Variants in SPATA1 observed in about 807,000 individuals in gnomAD.
The protein encoded by SPATA1 is spermatogenesis associated 1, also known as spermatogenesis-associated protein 1.
A neutral mutation model predicts 59.6 loss-of-function variants in SPATA1; 57 were observed. The observed-to-expected ratio is 0.96, with a 90% CI of 0.77 to 1.19. The LOEUF is 1.19. Among genes scored for constraint, SPATA1 ranks in the 50% most tolerant of loss-of-function variants. SPATA1 has a pLI of 0.00. For synonymous variants in SPATA1, 147 were observed against 163.9 expected (o/e 0.90, Z 0.79); for missense variants, 448 against 480.7 (o/e 0.93, Z 0.64).
rs148043652 is a variant in SPATA1, at chr1:84,543,774, T to C, written c.718-428T>C. The stretch of plus-strand genomic sequence containing the variant: ...ACACAAACACAGAGGAGATAAGATA[T>C]ATTAGAATAAAATGTAAAATTATCT... On this transcript the variant is annotated intron_variant, in intron 8 of 12. Transcript: ENST00000490879. Among the ~76,000 whole-genome samples, 355 of 152,186 alleles carry C rather than the reference T, an allele frequency of 2.3e-3. 1 individual carries two copies. The highest frequency in any genetic ancestry group is 7.9e-3 in the African/African-American group (329 of 41,536).
intron 8 of SPATA1, among the ~76,000 whole-genome samples, chr1:84,537,024 C>T (rs1260723521): frequency 8.6e-5 from 13 of 151,720 alleles, no homozygotes; most frequent in Non-Finnish European, 1.5e-4. Flanking sequence ...GGATTATAGG[C>T]ACCTGCCACC....
At chr1:84,531,681 C>T (rs943717508) in intron 6 of SPATA1, among the ~76,000 whole-genome samples, 1 of 151,062 alleles carries the variant, frequency 6.6e-6, no homozygotes, top group Non-Finnish European at 1.5e-5. Flanking sequence ...TCAAGACATC[C>T]TCCCACCCTA....
At chr1:84,553,365 T>C (rs1240111943) in exon 13 of SPATA1, 1 of 179,124 alleles carries the variant, frequency 5.6e-6, no homozygotes, top group Non-Finnish European at 1.2e-5. Flanking sequence ...GCTAATTTTA[T>C]AATTTTCATT....
chr1:84,566,646 T>TG (rs1368192141), downstream of SPATA1, among the ~76,000 whole-genome samples: 3 of 152,264 alleles, frequency 2.0e-5, no homozygotes, highest in Non-Finnish European at 2.9e-5. Flanking sequence ...CTTTCTTTTT[T>TG]GGGGGGGATG....
At chr1:84,533,013 AAAC>A (rs766003643) in intron 7 of SPATA1, 39 bp downstream of exon 7, 1 of 1,341,782 alleles carries the variant, frequency 7.5e-7, no homozygotes, top group South Asian at 1.4e-5. Context: ...GCCATAATCT[AAAC>A]AATAAGAAAA....
chr1:84,553,134 T>A (rs949314330), exon 13 of SPATA1: 2 of 1,393,000 alleles, frequency 1.4e-6, no homozygotes, highest in African/African-American at 3.0e-5. Context: ...GGTATGTTAA[T>A]TTAAAACTTT....
chr1:84,511,997 T>C (rs1046866923), intron 1 of SPATA1, among the ~76,000 whole-genome samples: 3 of 152,196 alleles, frequency 2.0e-5, no homozygotes, highest in Non-Finnish European at 4.4e-5. Context: ...TCAGGCATTT[T>C]AATCTGTTTA....
intron 1 of SPATA1, among the ~76,000 whole-genome samples, chr1:84,508,921 C>CA (rs1164925465): frequency 1.3e-5 from 2 of 151,264 alleles, no homozygotes; most frequent in African/African-American, 2.4e-5. Context: ...GAAGAGGACA[C>CA]AAAAAAAATG....
intron 1 of SPATA1, among the ~76,000 whole-genome samples, chr1:84,507,821 G>A (rs1356493877): frequency 6.6e-6 from 1 of 151,270 alleles, no homozygotes; most frequent in Non-Finnish European, 1.5e-5. Flanking sequence ...AGACTGTTGA[G>A]GAATAAGCAG....
At chr1:84,550,227 T>G (rs1347765791) in intron 11 of SPATA1, 15 of 341,320 alleles carry the variant, frequency 4.4e-5, no homozygotes, top group Non-Finnish European at 7.5e-5. Flanking sequence ...TAATGGTAAC[T>G]TTAGAGAAAG....
intron 1 of SPATA1, among the ~76,000 whole-genome samples, chr1:84,512,015 C>T (rs190693645): frequency 6.6e-6 from 1 of 152,270 alleles, no homozygotes; most frequent in Admixed American, 6.5e-5. Context: ...TTACCTAAGA[C>T]AGGTTAACCT....
intron 8 of SPATA1, among the ~76,000 whole-genome samples, chr1:84,543,404 C>T (rs376038995): frequency 1.3e-5 from 2 of 152,104 alleles, no homozygotes; most frequent in Non-Finnish European, 2.9e-5. Context: ...TTAATTGGCT[C>T]ACGGTTCTGC....
At chr1:84,514,798 C>A (rs1206597946) in intron 1 of SPATA1, among the ~76,000 whole-genome samples, 1 of 152,042 alleles carries the variant, frequency 6.6e-6, no homozygotes, top group Non-Finnish European at 1.5e-5. Flanking sequence ...TGGTGAAAAC[C>A]TGTCTCTATT....
At chr1:84,548,941 C>G (rs748929617) in exon 11 of SPATA1, 3 of 1,587,964 alleles carry the variant, frequency 1.9e-6, no homozygotes, top group South Asian at 2.3e-5. Context: ...ACCAAAGAAT[C>G]TGGCAAACAT....
chr1:84,563,417 T>C lies in SPATA1; in HGVS notation n.443-2444T>C, dbSNP rs201232040. The C allele has an allele frequency of 8.5e-5, 127 of 1,501,024 alleles. 1 individual carries two copies. Among genetic ancestry groups the C allele is most frequent in the Non-Finnish European group, 1.0e-4 (118 of 1,128,662 alleles). 93.0% of individuals were successfully genotyped at this position (1,501,024 alleles called of 1,614,324 possible). The stretch of plus-strand genomic sequence containing the variant: ...GACTTTTGCAATGGTACAAACATGA[T>C]CCTAGAAATGCAAAAGTGCTCATGT... On this transcript the variant is annotated intron_variant and non_coding_transcript_variant, in intron 4 of 4. Transcript: ENST00000460286.
At chr1:84,564,034 G>C (rs1056635914) in intron 4 of SPATA1, 1 of 198,808 alleles carries the variant, frequency 5.0e-6, no homozygotes, top group African/African-American at 2.4e-5. Context: ...CTTTGAATAG[G>C]AGAAAACATT....
rs556024584 is a variant in SPATA1, at chr1:84,535,713, G to GT, written c.717+1957dup. Reference sequence around the variant, plus strand: ...TGCTAAATTCAATTAGTTCTATCAGGTTTTTTTTTTGTAGATTCTTTAGGA... The same window carrying GT: ...TGCTAAATTCAATTAGTTCTATCAGGTTTTTTTTTTTGTAGATTCTTTAGGA... On this transcript the variant is annotated intron_variant, in intron 8 of 12. Transcript: ENST00000490879. Among the ~76,000 whole-genome samples the GT allele has an allele frequency of 3.9e-3, 573 of 147,426 alleles. 4 individuals are homozygous for GT. The highest frequency in any genetic ancestry group is 8.0e-3 in the African/African-American group (325 of 40,428).
At chr1:84,567,085 A>G (rs908906847), downstream of SPATA1, among the ~76,000 whole-genome samples, 12 of 152,216 alleles carry the variant, frequency 7.9e-5, no homozygotes, top group African/African-American at 2.9e-4. Context: ...TAGGCACTCA[A>G]TAAACACTGA....
chr1:84,522,412 C>T lies in SPATA1; in HGVS notation c.166C>T (p.Arg56Ter), dbSNP rs377559628. 49 of 1,495,266 alleles carry T rather than the reference C, an allele frequency of 3.3e-5. No individual in the cohort carries two copies. Among genetic ancestry groups the T allele is most frequent in the African/African-American group, 9.9e-5 (7 of 70,518 alleles). The allele number at this position is 1,495,266 out of a possible 1,614,324, so 92.6% of individuals were successfully genotyped here. The stretch of plus-strand genomic sequence containing the variant: ...CAGAGTATCTCCTCAACTTACTTTA[C>T]GAGCCCTGAGGGAGCGTCTTGGTGA... Residue 56 changes from arginine (R) to a stop codon, truncating the protein, a stop_gained, in exon 4 of 13, where the codon CGA (arginine) becomes TGA (stop). Coordinates refer to ENST00000490879, the Ensembl canonical transcript of SPATA1. LOFTEE classifies it high-confidence loss of function.
Sources: gnomAD v4.1 joint callset for allele counts (sites outside exome capture counted in the v4.1 genomes callset) on GRCh38, gnomAD v4.1.1 for gene constraint, MANE v1.5 for transcripts, NCBI Gene and HGNC (gene_info 2026-07-23, HGNC 2026-07-21) for gene names.